The following PPP1R18 variants were observed in gnomAD, a reference collection of about 807,000 sequenced individuals.
PPP1R18 encodes the protein phostensin.
In PPP1R18, 31 loss-of-function variants were observed where a neutral mutation model predicts 54.8. That is an observed-to-expected ratio of 0.57 (90% CI 0.43 to 0.76). The LOEUF (loss-of-function observed/expected upper bound fraction) is 0.76. Among genes scored for constraint, PPP1R18 ranks in the 30% least tolerant of loss-of-function variants. The pLI is 0.00. For missense variants in PPP1R18, 685 were observed against 776.1 expected, an observed-to-expected ratio of 0.88 and a Z score of 1.39; for synonymous variants, 310 against 320.2, an observed-to-expected ratio of 0.97 and a Z score of 0.34.
At chr6:30,677,311 G>A (rs772951830) in intron 2 of PPP1R18, 23 bp from the exon 3 acceptor site, 2 of 1,581,082 alleles carry the variant, frequency 1.3e-6, no homozygotes, top group South Asian at 1.2e-5. Context: ...GGGCAATAAT[G>A]TTAGAGAATG....
At chr6:30,682,848 T>A (rs1275260808) in intron 1 of PPP1R18, among the ~76,000 whole-genome samples, 2 of 152,192 alleles carry the variant, frequency 1.3e-5, no homozygotes, top group East Asian at 1.9e-4. Flanking sequence ...GGATGCTCCC[T>A]GGGCTTTGGG....
Position 30,685,467 on chromosome 6 carries a change from G to A in PPP1R18, c.552C>T (p.Ser184=), listed in dbSNP as rs1273550233. 6.2e-7 allele frequency: 1 copy of A among 1,612,942 alleles called. No homozygotes were observed. The highest frequency in any genetic ancestry group is 1.7e-5 in the Admixed American group (1 of 60,022). The stretch of plus-strand genomic sequence containing the variant: ...TCCATTTCCATGCCTCTGACAGTCG[G>A]GAGCTCCTGTCTCCCACCTCTCCTG... ...QSPGEVGDRS[S]RLSEAWKWRL... is the part of the protein sequence containing the mutation. Residue 184 remains serine (S), a synonymous_variant, in exon 1 of 3, where the codon TCC becomes TCT. Transcript: ENST00000274853. This position sits in a 1 kb window ranked among gnomAD's most constrained non-coding sequence, Gnocchi z 5.0.
intron 2 of PPP1R18, among the ~76,000 whole-genome samples, chr6:30,677,847 A>AAAAT (rs10632278): frequency 0.045 from 6,823 of 151,650 alleles, 335 homozygotes; most frequent in African/African-American, 0.11. Flanking sequence ...ACGCTGTCTC[A>AAAAT]AAATAAATAA....
In PPP1R18 at chr6:30,684,811, A is replaced by AG; in HGVS notation, c.1207dup (p.Leu403ProfsTer93). 2 of 1,601,140 alleles carry AG rather than the reference A, an allele frequency of 1.2e-6. No individual in the cohort carries two copies. Among genetic ancestry groups the AG allele is most frequent in the Non-Finnish European group, 1.7e-6 (2 of 1,174,882 alleles). ...TCCAGTCCCAGCGTCCTCTGGTGGG[A>AG]GGGGGGAGGGCACAGAGCAGCAGTT... On this transcript the variant is annotated frameshift_variant, in exon 1 of 3. Transcript: ENST00000274853. LOFTEE classifies it high-confidence loss of function. The surrounding 1 kb of genome is among the most constrained non-coding windows in gnomAD (Gnocchi z 6.0).
upstream of PPP1R18, chr6:30,686,749 AAATAGCC>A (rs1484769131): frequency 2.4e-5 from 2 of 83,858 alleles, no homozygotes; most frequent in African/African-American, 9.7e-5. Context: ...GGGTCGGGGG[AAATAGCC>A]ACCCCCGAGA....
In PPP1R18 at chr6:30,685,843, C is replaced by G. The variant is rs777948012; in HGVS notation, c.176G>C (p.Ser59Thr). The change falls in exon 1 of 3, where the codon AGC becomes ACC. Residue 59 changes from serine (S) to threonine (T), a missense_variant. By Grantham distance (58) the Ser-to-Thr change is moderately conservative. Coordinates refer to ENST00000274853, the MANE Select transcript of PPP1R18 (RefSeq NM_133471.4). The surrounding 1 kb of genome is among the most constrained non-coding windows in gnomAD (Gnocchi z 5.0). ...AKLGLSPGEP[S>T]PVLGTVEAGP... ...AGCCTCTACAGTCCCTAGCACAGGG[C>G]TAGGCTCCCCAGGGGACAGCCCAAG... is the stretch of plus-strand genomic sequence containing the variant. 2 of 1,612,634 alleles carry G rather than the reference C, an allele frequency of 1.2e-6. No homozygotes were observed. Among genetic ancestry groups the G allele is most frequent in the African/African-American group, 2.7e-5 (2 of 74,956 alleles).
chr6:30,677,915 G>A (rs915292337), intron 2 of PPP1R18, among the ~76,000 whole-genome samples: 1 of 151,812 alleles, frequency 6.6e-6, no homozygotes, highest in African/African-American at 2.4e-5. Context: ...GTAGTTTTTG[G>A]TTTCTGTTTT....
chr6:30,684,371 T>A lies in PPP1R18; in HGVS notation c.1611+37A>T. The A allele has an allele frequency of 6.7e-7, 1 of 1,497,114 alleles. No individual in the cohort carries two copies. Among genetic ancestry groups the A allele is most frequent in the South Asian group, 1.4e-5 (1 of 73,602 alleles). The allele number at this position is 1,497,114 out of a possible 1,614,324, so 92.7% of individuals were successfully genotyped here. ...CCAGAGTCCAGAGAAAATTGACAAG[T>A]GGACTTCTAAGAAGTCTGGCTTGGC... is the stretch of plus-strand genomic sequence containing the variant. On this transcript the variant is annotated intron_variant, in intron 1 of 2. Transcript: ENST00000274853. This position sits in a 1 kb window ranked among gnomAD's most constrained non-coding sequence, Gnocchi z 6.0.
rs542086185 is a variant in PPP1R18, at chr6:30,677,295, G to A, written c.1823-7C>T. 1 of 1,594,956 alleles carries A rather than the reference G, an allele frequency of 6.3e-7. No homozygotes were observed. The highest frequency in any genetic ancestry group is 2.3e-5 in the East Asian group (1 of 43,620). On this transcript the variant is annotated splice_region_variant and splice_polypyrimidine_tract_variant and intron_variant, in intron 2 of 2. Coordinates refer to ENST00000274853, the MANE Select transcript of PPP1R18 (RefSeq NM_133471.4). ...CACCGCCGGCAGGACTCATCTGTGGGAGAGGGGGCAATAATGTTAGAGAAT... is the reference window on the plus strand; with the variant it reads ...CACCGCCGGCAGGACTCATCTGTGGAAGAGGGGGCAATAATGTTAGAGAAT...
At chr6:30,682,601 C>T (rs56097668) in intron 1 of PPP1R18, among the ~76,000 whole-genome samples, 1 of 151,956 alleles carries the variant, frequency 6.6e-6, no homozygotes, top group Non-Finnish European at 1.5e-5. Context: ...CTCTGTGCTG[C>T]CTCCTCCCCA....
Position 30,686,015 on chromosome 6 carries a change from C to T in PPP1R18, c.4G>A (p.Ala2Thr). M[A>T]TIPDWKLQLL... ...TGTAGCTTCCAGTCTGGGATGGTGG[C>T]CATGGTCGTCTTGAGGTGAGGGTAG... Residue 2 changes from alanine to threonine, a missense_variant, in exon 1 of 3, where the codon GCC (alanine) becomes ACC (threonine). Physicochemically the swap from Ala to Thr is moderately conservative, Grantham distance 58. Transcript: ENST00000274853. 3 of 1,562,206 alleles carry T rather than the reference C, an allele frequency of 1.9e-6. No homozygotes were observed. Among genetic ancestry groups the T allele is most frequent in the Non-Finnish European group, 2.6e-6 (3 of 1,161,248 alleles).
In PPP1R18 at chr6:30,684,873, C is replaced by T. The variant is rs1431191575; in HGVS notation, c.1146G>A (p.Glu382=). 1 of 1,612,916 alleles carries T rather than the reference C, an allele frequency of 6.2e-7. No individual in the cohort carries two copies. Among genetic ancestry groups the T allele is most frequent in the South Asian group, 1.1e-5 (1 of 91,090 alleles). Reference sequence around the variant, plus strand: ...TCAGAGGCCTGCCCTGAGCCCCCGCCTCCTCCTTCTCAGCCTCCCCTTCTC... The same window carrying T: ...TCAGAGGCCTGCCCTGAGCCCCCGCTTCCTCCTTCTCAGCCTCCCCTTCTC... The part of the protein sequence containing the change: ...EAGEGEAEKE[E]AGAQGRPLRA... The change falls in exon 1 of 3, where the codon GAG becomes GAA. Residue 382 remains glutamate (E), a synonymous_variant. Transcript: ENST00000274853. The surrounding 1 kb of genome is among the most constrained non-coding windows in gnomAD (Gnocchi z 6.0).
Position 30,685,471 on chromosome 6 carries a change from C to T in PPP1R18, c.548G>A (p.Ser183Asn). 3 of 1,613,026 alleles carry T rather than the reference C, an allele frequency of 1.9e-6. No homozygotes were observed. Among genetic ancestry groups the T allele is most frequent in the Non-Finnish European group, 2.5e-6 (3 of 1,180,020 alleles). Reference sequence around the variant, plus strand: ...TTTCCATGCCTCTGACAGTCGGGAGCTCCTGTCTCCCACCTCTCCTGGGCT... The same window carrying T: ...TTTCCATGCCTCTGACAGTCGGGAGTTCCTGTCTCCCACCTCTCCTGGGCT... The part of the protein sequence containing the change: ...RQSPGEVGDR[S>N]SRLSEAWKWR... Residue 183 changes from serine to asparagine, a missense_variant, in exon 1 of 3, where the codon AGC becomes AAC. Coordinates refer to ENST00000274853, the MANE Select transcript of PPP1R18 (RefSeq NM_133471.4). The surrounding 1 kb of genome is among the most constrained non-coding windows in gnomAD (Gnocchi z 5.0).
Position 30,684,120 on chromosome 6 carries a change from T to C in PPP1R18, c.1611+288A>G, listed in dbSNP as rs1222303461. 6.6e-6 allele frequency among the ~76,000 whole-genome samples: 1 copy of C among 150,828 alleles called. No individual in the cohort carries two copies. Among genetic ancestry groups the C allele is most frequent in the Non-Finnish European group, 1.5e-5 (1 of 67,650 alleles). ...AGGAAAGGAAGGAAAGAAAAGGGGG[T>C]TGGAAACTCAGAGCCCAAGGGAAGG... On this transcript the variant is annotated intron_variant, in intron 1 of 2. Transcript: ENST00000274853. The surrounding 1 kb of genome is among the most constrained non-coding windows in gnomAD (Gnocchi z 6.0).
At chr6:30,678,914 T>TC (rs1258742691) in intron 2 of PPP1R18, among the ~76,000 whole-genome samples, 6 of 152,148 alleles carry the variant, frequency 3.9e-5, no homozygotes, top group Non-Finnish European at 8.8e-5. Flanking sequence ...AAGCTGGAAT[T>TC]CCAACTCAGG....
upstream of PPP1R18, chr6:30,688,293 C>T: frequency 7.9e-6 from 2 of 252,528 alleles, no homozygotes; most frequent in Non-Finnish European, 7.7e-6. This position sits in a 1 kb window ranked among gnomAD's most constrained non-coding sequence, Gnocchi z 5.9. Flanking sequence ...TGGAAGCCAG[C>T]GGTGCAGAAG....
In PPP1R18 at chr6:30,685,056, A is replaced by G; in HGVS notation, c.963T>C (p.Asp321=). 1 of 1,613,142 alleles carries G rather than the reference A, an allele frequency of 6.2e-7. No individual in the cohort carries two copies. The highest frequency in any genetic ancestry group is 8.5e-7 in the Non-Finnish European group (1 of 1,180,004). ...CTGTTGGCTTCATGCCCCTCTCGCC[A>G]TCTTCCACAGGCCTCTGCTCTGCTG... ...VEAAEQRPVE[D]GERGMKPTEG... Residue 321 remains aspartate, a synonymous_variant, in exon 1 of 3, where the codon GAT becomes GAC. Transcript: ENST00000274853. This position sits in a 1 kb window ranked among gnomAD's most constrained non-coding sequence, Gnocchi z 5.0.
rs145134280 is a variant in PPP1R18, at chr6:30,684,123, G to A, written c.1611+285C>T. Among the ~76,000 whole-genome samples, 377 of 152,252 alleles carry A rather than the reference G, an allele frequency of 2.5e-3. 1 individual carries two copies. Among genetic ancestry groups the A allele is most frequent in the African/African-American group, 8.7e-3 (362 of 41,532 alleles). On this transcript the variant is annotated intron_variant, in intron 1 of 2. Coordinates refer to ENST00000274853, the MANE Select transcript of PPP1R18 (RefSeq NM_133471.4). The surrounding 1 kb of genome is among the most constrained non-coding windows in gnomAD (Gnocchi z 6.0). The stretch of plus-strand genomic sequence containing the variant: ...AAAGGAAGGAAAGAAAAGGGGGTTG[G>A]AAACTCAGAGCCCAAGGGAAGGGAG...
Position 30,677,114 on chromosome 6 carries a change from TGC to T in PPP1R18, c.*153_*154del. ...AGGGTAGAAATTGGGCAATTGGCTC[TGC>T]CCCCAGAAACAGGGTGGGGAAAGCA... On this transcript the variant is annotated 3_prime_UTR_variant, in exon 3 of 3. Coordinates refer to ENST00000274853, the MANE Select transcript of PPP1R18 (RefSeq NM_133471.4). 1 of 777,626 alleles carries T rather than the reference TGC, an allele frequency of 1.3e-6. No homozygotes were observed. The highest frequency in any genetic ancestry group is 2.3e-6 in the Non-Finnish European group (1 of 434,162). The allele number at this position is 777,626 out of a possible 1,614,324, so 48.2% of individuals were successfully genotyped here.
Sources: gnomAD v4.1 joint callset for allele counts (sites outside exome capture counted in the v4.1 genomes callset) on GRCh38, gnomAD v4.1.1 for gene constraint, Gnocchi (gnomAD v3.1) non-coding constraint, MANE v1.5 for transcripts, NCBI Gene and HGNC (gene_info 2026-07-23, HGNC 2026-07-21) for gene names.